ENOX1: variants seen among roughly 807,000 people sequenced by gnomAD.
ENOX1 encodes the protein ecto-NOX disulfide-thiol exchanger 1, also known as candidate growth-related and time keeping constitutive hydroquinone (NADH) oxidase.
In ENOX1, 42 loss-of-function variants were observed where a neutral mutation model predicts 82.5. The ratio of observed to expected loss-of-function variants is 0.51; its 90% CI spans 0.40 to 0.66. The LOEUF (loss-of-function observed/expected upper bound fraction) is 0.66, where lower values mean the gene tolerates loss of function less well. ENOX1 is among the 30% of genes least tolerant of loss of function. ENOX1 has a pLI of 0.00. For missense variants in ENOX1, 608 were observed against 811.6 expected, an observed-to-expected ratio of 0.75 and a Z score of 3.05; for synonymous variants, 271 against 282.2, an observed-to-expected ratio of 0.96 and a Z score of 0.40.
intron 1 of ENOX1, among the ~76,000 whole-genome samples, chr13:43,707,623 C>T (rs576469851): frequency 3.7e-4 from 55 of 150,264 alleles, no homozygotes; most frequent in East Asian, 6.0e-4. Context: ...GTCCCAGCTA[C>T]TCGGGAGGCT....
At chr13:43,377,895 T>C (rs1039905717) in intron 5 of ENOX1, among the ~76,000 whole-genome samples, 1 of 152,214 alleles carries the variant, frequency 6.6e-6, no homozygotes, top group Non-Finnish European at 1.5e-5. Context: ...GATCTTTAGC[T>C]GGTAAACACC....
chr13:43,490,043 A>G (rs2076568043), intron 2 of ENOX1, among the ~76,000 whole-genome samples: 1 of 152,052 alleles, frequency 6.6e-6, no homozygotes, highest in Non-Finnish European at 1.5e-5. Context: ...GGTTCAAGCG[A>G]TTCTCCTGCC....
At chr13:43,360,164 C>A (rs571939830) in intron 6 of ENOX1, 107 bp from the exon 7 acceptor site, 10 of 950,402 alleles carry the variant, frequency 1.1e-5, no homozygotes, top group African/African-American at 4.4e-5. Flanking sequence ...GACTGAGTGA[C>A]GGTAAATTTC....
intron 16 of ENOX1, among the ~76,000 whole-genome samples, chr13:43,215,692 A>G (rs1192532226): frequency 6.6e-6 from 1 of 152,188 alleles, no homozygotes; most frequent in Non-Finnish European, 1.5e-5. Flanking sequence ...AGCACTTCCC[A>G]TGATTGTCAA....
At chr13:43,255,427 C>T (rs936825960) in intron 14 of ENOX1, among the ~76,000 whole-genome samples, 2 of 152,038 alleles carry the variant, frequency 1.3e-5, no homozygotes, top group African/African-American at 4.8e-5. Context: ...TACTGGAAGT[C>T]CTAGCCAGAG....
At chr13:43,633,769 A>C (rs2083311238) in intron 2 of ENOX1, among the ~76,000 whole-genome samples, 1 of 151,922 alleles carries the variant, frequency 6.6e-6, no homozygotes, top group Non-Finnish European at 1.5e-5. Flanking sequence ...GGATAAGAAC[A>C]AAAAGGATAG....
chr13:43,302,652 G>A (rs1252574181), intron 11 of ENOX1, among the ~76,000 whole-genome samples: 2 of 151,978 alleles, frequency 1.3e-5, no homozygotes, highest in Admixed American at 6.6e-5. Context: ...AAGGTATTGC[G>A]GCATCTTGTT....
At chr13:43,390,925 A>G (rs2052733757) in intron 5 of ENOX1, among the ~76,000 whole-genome samples, 1 of 152,050 alleles carries the variant, frequency 6.6e-6, no homozygotes, top group Admixed American at 6.6e-5. Context: ...AAGCACATCC[A>G]TTACTATCTG....
chr13:43,557,670 T>C (rs1313975276), intron 2 of ENOX1, among the ~76,000 whole-genome samples: 2 of 152,116 alleles, frequency 1.3e-5, no homozygotes, highest in East Asian at 3.9e-4. Flanking sequence ...GTGTGGTGCA[T>C]ACCCATAGTT....
rs569603485 is a variant in ENOX1 at position 43,604,440 on chromosome 13, C to T, written c.-219+63039G>A. Among the ~76,000 whole-genome samples, 5 of 152,280 alleles carry T rather than the reference C, an allele frequency of 3.3e-5. No individual in the cohort carries two copies. The South Asian group carries it at 8.3e-4, about 25-fold the overall frequency. On this transcript the variant is annotated intron_variant, in intron 2 of 16. Coordinates refer to ENST00000690772, the MANE Select transcript of ENOX1 (RefSeq NM_001347969.2). ...CAGTACTAAAAAATTTTTCCCCATT[C>T]AGTGCAATACTAGCTGTTGGTTGGT...
At position 43,784,746 on chromosome 13, in the gene ENOX1, T is replaced by C. The variant is rs115924398; in HGVS notation, c.-285+1906A>G. 2.8e-3 allele frequency among the ~76,000 whole-genome samples: 432 copies of C among 152,348 alleles called. 1 individual carries two copies. The highest frequency in any genetic ancestry group is 9.9e-3 in the African/African-American group (413 of 41,572). ...AGCTTACAAATAAAATAACACACAG[T>C]GTACTCAATATAAAGTTGTCAACAT... is the stretch of plus-strand genomic sequence containing the variant. On this transcript the variant is annotated intron_variant, in intron 1 of 16. Coordinates refer to ENST00000690772, the MANE Select transcript of ENOX1 (RefSeq NM_001347969.2).
intron 5 of ENOX1, among the ~76,000 whole-genome samples, chr13:43,380,721 C>T (rs916222826): frequency 2.6e-5 from 4 of 151,286 alleles, no homozygotes; most frequent in Non-Finnish European, 5.9e-5. Context: ...AAAAATACAC[C>T]ATGCTAACAT....
At chr13:43,472,569 T>G (rs2058114089) in intron 3 of ENOX1, among the ~76,000 whole-genome samples, 1 of 152,142 alleles carries the variant, frequency 6.6e-6, no homozygotes, top group Admixed American at 6.5e-5. Flanking sequence ...CAGCAATAAA[T>G]AGAGTAGGGC....
chr13:43,637,167 G>A (rs1483976814), intron 2 of ENOX1, among the ~76,000 whole-genome samples: 2 of 152,142 alleles, frequency 1.3e-5, no homozygotes, highest in East Asian at 3.9e-4. Context: ...GTGCTGCTAT[G>A]AAAAGCCCAG....
At position 43,580,452 on chromosome 13, in the gene ENOX1, G is replaced by T. The variant is rs190049244; in HGVS notation, c.-219+87027C>A. Among the ~76,000 whole-genome samples, 9 of 152,278 alleles carry T rather than the reference G, an allele frequency of 5.9e-5. No individual in the cohort carries two copies. The East Asian group carries it at 1.5e-3, about 26-fold the overall frequency. On this transcript the variant is annotated intron_variant, in intron 2 of 16. Coordinates refer to ENST00000690772, the MANE Select transcript of ENOX1 (RefSeq NM_001347969.2). ...TCTCTGTGAGGTATTTTCAAGTGCC[G>T]ACCAGAATAGCTGCACTAAGAACAG...
chr13:43,370,436 C>A (rs967330594), intron 5 of ENOX1, among the ~76,000 whole-genome samples: 4 of 152,142 alleles, frequency 2.6e-5, no homozygotes, highest in African/African-American at 9.7e-5. Context: ...TCTTCTGAAT[C>A]CTCTGTTGTA....
At chr13:43,470,308 A>G (rs1371800275) in intron 3 of ENOX1, among the ~76,000 whole-genome samples, 702 of 38,510 alleles carry the variant, frequency 0.018, 25 homozygotes, top group African/African-American at 0.066. Context: ...ATATATATAC[A>G]TATATATACA....
intron 5 of ENOX1, among the ~76,000 whole-genome samples, chr13:43,387,382 G>C (rs1283929847): frequency 6.6e-6 from 1 of 152,086 alleles, no homozygotes; most frequent in African/African-American, 2.4e-5. Flanking sequence ...GAGATTATAG[G>C]CAGAGGGAAG....
At chr13:43,575,031 A>G (rs1028363866) in intron 2 of ENOX1, among the ~76,000 whole-genome samples, 1 of 152,218 alleles carries the variant, frequency 6.6e-6, no homozygotes, top group African/African-American at 2.4e-5. Flanking sequence ...TATTGCTTTA[A>G]AAGTTCACCT....
Sources: gnomAD v4.1 joint callset for allele counts (sites outside exome capture counted in the v4.1 genomes callset) on GRCh38, gnomAD v4.1.1 for gene constraint, MANE v1.5 for transcripts, NCBI Gene and HGNC (gene_info 2026-07-23, HGNC 2026-07-21) for gene names.